GALNT14: variants seen among roughly 807,000 people sequenced by gnomAD.
The protein encoded by GALNT14 is polypeptide N-acetylgalactosaminyltransferase 14, also known as UDP-GalNAc:polypeptide N-acetylgalactosaminyltransferase 14.
Under a neutral mutation model 77.5 loss-of-function variants are expected in GALNT14, and 60 were observed. That is an observed-to-expected ratio of 0.77 (90% CI 0.63 to 0.96). GALNT14 has a LOEUF of 0.96. Among genes scored for constraint, GALNT14 ranks in the 40% least tolerant of loss-of-function variants. GALNT14 has a pLI of 0.00. For missense variants in GALNT14, 710 were observed against 731.0 expected (o/e 0.97, Z 0.33); for synonymous variants, 280 against 281.7 (o/e 0.99, Z 0.06).
chr2:30,888,622 G>A, the GALNT14 span, among the ~76,000 whole-genome samples: 457 of 152,236 alleles, frequency 3.0e-3, 3 homozygotes, highest in African/African-American at 0.011. Context: ...TGTTTTCCTA[G>A]ATGTAGGGTT....
Position 31,029,237 on chromosome 2 carries a change from C to A in GALNT14, c.130-36230G>T, listed in dbSNP as rs76293674. On this transcript the variant is annotated intron_variant, in intron 1 of 14. Transcript: ENST00000349752. ...GAAAGGATGGACAAGCTCTATGACT[C>A]TTATTTAAAGTGGAGGAATATAAGG... 2.1e-3 allele frequency among the ~76,000 whole-genome samples: 321 copies of A among 152,288 alleles called. 2 individuals are homozygous for A. The highest frequency in any genetic ancestry group is 7.5e-3 in the African/African-American group (312 of 41,548).
At chr2:31,020,825 T>C (rs1470846884) in intron 1 of GALNT14, among the ~76,000 whole-genome samples, 1 of 151,986 alleles carries the variant, frequency 6.6e-6, no homozygotes, top group African/African-American at 2.4e-5. Flanking sequence ...GTGAGCCAGC[T>C]TCAGCTGCTC....
intron 1 of GALNT14, among the ~76,000 whole-genome samples, chr2:31,027,917 T>TGTGTGTGTGTGTGTGC (rs1303110300): frequency 5.3e-5 from 8 of 150,526 alleles, no homozygotes; most frequent in Admixed American, 1.3e-4. Flanking sequence ...TGTGTGTGTG[T>TGTGTGTGTGTGTGTGC]GCACGCATGC....
intron 13 of GALNT14, among the ~76,000 whole-genome samples, chr2:30,919,572 G>C (rs74483012): frequency 0.011 from 1,733 of 152,308 alleles, 36 homozygotes; most frequent in African/African-American, 0.039. Context: ...AGGGCAAAAG[G>C]ACCAAGCCTT....
chr2:31,043,010 T>C (rs1166136513), intron 1 of GALNT14, among the ~76,000 whole-genome samples: 2 of 152,104 alleles, frequency 1.3e-5, no homozygotes, highest in African/African-American at 2.4e-5. Context: ...ATGGCCACGG[T>C]CACCTGTCTC....
intron 1 of GALNT14, among the ~76,000 whole-genome samples, chr2:31,061,008 C>G (rs575125296): frequency 6.6e-6 from 1 of 152,152 alleles, no homozygotes; most frequent in Admixed American, 6.5e-5. Flanking sequence ...CTGATCTTCC[C>G]TTCTCTTTCC....
At chr2:31,125,102 G>T in intron 1 of GALNT14, 1 of 1,318,046 alleles carries the variant, frequency 7.6e-7, no homozygotes, top group Non-Finnish European at 1.1e-6. Context: ...GGCCTGCTTG[G>T]GCAGAAAAGC....
chr2:30,998,313 C>T (rs960584559), intron 1 of GALNT14, among the ~76,000 whole-genome samples: 1 of 152,110 alleles, frequency 6.6e-6, no homozygotes, highest in Non-Finnish European at 1.5e-5. Context: ...TGTTTTTACT[C>T]CCTCTCACTT....
chr2:30,980,222 T>C (rs1308569304), intron 2 of GALNT14, among the ~76,000 whole-genome samples: 2 of 152,090 alleles, frequency 1.3e-5, no homozygotes, highest in Non-Finnish European at 2.9e-5. Context: ...AGCCTGGACC[T>C]CTCTACATTC....
At chr2:31,076,408 TC>T (rs1451788013) in intron 1 of GALNT14, among the ~76,000 whole-genome samples, 1 of 152,066 alleles carries the variant, frequency 6.6e-6, no homozygotes, top group African/African-American at 2.4e-5. Flanking sequence ...CCAACTCTGC[TC>T]CTGTCTCCAC....
intron 1 of GALNT14, among the ~76,000 whole-genome samples, chr2:31,031,133 G>A (rs1023214018): frequency 6.6e-6 from 1 of 152,072 alleles, no homozygotes; most frequent in Admixed American, 6.5e-5. Flanking sequence ...CCTTTAAATG[G>A]CCACAAGTTC....
chr2:31,072,994 A>G (rs1328811630), intron 1 of GALNT14: 1 of 152,246 alleles, frequency 6.6e-6, no homozygotes, highest in Non-Finnish European at 1.5e-5. Context: ...TAGGAACTTT[A>G]GGGCACAGGC....
At chr2:31,134,191 G>T (rs1486031525) in intron 1 of GALNT14, among the ~76,000 whole-genome samples, 1 of 152,210 alleles carries the variant, frequency 6.6e-6, no homozygotes. Context: ...TAAGGGTCGG[G>T]TAGTTCCCCA....
In GALNT14 at chr2:31,038,472, G is replaced by A. The variant is rs574798767; in HGVS notation, c.130-45465C>T. Among the ~76,000 whole-genome samples the A allele has an allele frequency of 1.4e-4, 22 of 152,120 alleles. No homozygotes were observed. The South Asian group carries it at 4.2e-3, about 29-fold the overall frequency. On this transcript the variant is annotated intron_variant, in intron 1 of 14. Coordinates refer to ENST00000349752, the MANE Select transcript of GALNT14 (RefSeq NM_024572.4). ...TAAGCCTGGAGCCTGGTTAAATAAA[G>A]AGAAGCCCTAAGAATGGTGCATCTC...
chr2:31,012,087 C>G (rs1408070069), intron 1 of GALNT14, among the ~76,000 whole-genome samples: 1 of 152,230 alleles, frequency 6.6e-6, no homozygotes, highest in Non-Finnish European at 1.5e-5. Context: ...TCTCCTCATT[C>G]TCTTTGCAGA....
At chr2:31,137,908 G>C in intron 1 of GALNT14, 50 bp downstream of exon 1, 1 of 1,563,900 alleles carries the variant, frequency 6.4e-7, no homozygotes. Context: ...CGGGCTGCGC[G>C]CCCTCCCGCA....
At chr2:30,980,362 C>T (rs1668912431) in intron 2 of GALNT14, among the ~76,000 whole-genome samples, 1 of 152,208 alleles carries the variant, frequency 6.6e-6, no homozygotes. Context: ...GTCCTGATGC[C>T]CCCTCTTGCC....
chr2:31,088,831 T>C (rs1676588125), intron 1 of GALNT14, among the ~76,000 whole-genome samples: 1 of 152,134 alleles, frequency 6.6e-6, no homozygotes, highest in Non-Finnish European at 1.5e-5. Context: ...GGCAGGGCGA[T>C]GCCCATGAGA....
intron 1 of GALNT14, among the ~76,000 whole-genome samples, chr2:31,052,888 G>A (rs184674428): frequency 5.1e-4 from 78 of 152,308 alleles, no homozygotes; most frequent in African/African-American, 1.9e-3. Context: ...AAATAGAACT[G>A]GGTGTCCAAT....
Sources: allele counts gnomAD v4.1 joint callset (sites outside exome capture counted in the v4.1 genomes callset), GRCh38; gene constraint gnomAD v4.1.1; transcripts MANE v1.5; gene names NCBI Gene and HGNC (gene_info 2026-07-23, HGNC 2026-07-21).